BMPR1B: variants seen among roughly 807,000 people sequenced by gnomAD.
The protein encoded by BMPR1B is bone morphogenetic protein receptor type 1B.
In BMPR1B, 12 loss-of-function variants were observed where a neutral mutation model predicts 59.1. That is an observed-to-expected ratio of 0.20 (90% CI 0.13 to 0.33). The LOEUF (loss-of-function observed/expected upper bound fraction) is 0.33, where lower values mean the gene tolerates loss of function less well. Ranked by LOEUF, BMPR1B falls within the 10% of genes least tolerant of loss-of-function variation. BMPR1B has a pLI of 1.00. For missense variants in BMPR1B, 550 were observed against 610.9 expected, an observed-to-expected ratio of 0.90 and a Z score of 1.05; for synonymous variants, 237 against 207.3, an observed-to-expected ratio of 1.14 and a Z score of -1.23.
At chr4:95,048,927 ATTAAAT>A (rs545182360) in intron 3 of BMPR1B, among the ~76,000 whole-genome samples, 175 of 152,330 alleles carry the variant, frequency 1.1e-3, no homozygotes, top group African/African-American at 3.9e-3. Flanking sequence ...TATGTTAATA[ATTAAAT>A]TTAAAATGGA....
At chr4:95,138,553 G>A (rs942063388) in intron 10 of BMPR1B, among the ~76,000 whole-genome samples, 12 of 147,416 alleles carry the variant, frequency 8.1e-5, no homozygotes, top group African/African-American at 2.7e-4. Flanking sequence ...CCAATCAGAC[G>A]TAGATTTGGT....
intron 1 of BMPR1B, among the ~76,000 whole-genome samples, chr4:94,819,304 C>A (rs941395036): frequency 7.2e-5 from 11 of 152,158 alleles, no homozygotes; most frequent in Non-Finnish European, 1.2e-4. Context: ...TTAACTCTTA[C>A]CGCTACAACT....
rs1190153129 is a variant in BMPR1B at position 95,152,766 on chromosome 4, G to A, written c.1376G>A (p.Ser459Asn). The change falls in exon 12 of 13, where the codon AGT becomes AAT. Residue 459 changes from serine to asparagine, a missense_variant. Physicochemically the swap from Ser to Asn is conservative, Grantham distance 46. Coordinates refer to ENST00000515059, the MANE Select transcript of BMPR1B (RefSeq NM_001203.3). ...CCCTCATTCCCAAACCGGTGGAGCA[G>A]TGATGAGGTAAGGCTTGAGGTAACC... ...LRPSFPNRWS[S>N]DECLRQMGKL... 6.2e-7 allele frequency: 1 copy of A among 1,612,254 alleles called. No homozygotes were observed. The highest frequency in any genetic ancestry group is 1.7e-5 in the Admixed American group (1 of 59,870).
intron 1 of BMPR1B, among the ~76,000 whole-genome samples, chr4:94,831,530 T>G (rs904731667): frequency 2.0e-5 from 3 of 152,228 alleles, no homozygotes; most frequent in Admixed American, 6.5e-5. Flanking sequence ...AGAGAAACTT[T>G]CAGTCCTGTA....
intron 3 of BMPR1B, among the ~76,000 whole-genome samples, chr4:95,020,385 C>G (rs897105387): frequency 6.6e-6 from 1 of 152,122 alleles, no homozygotes; most frequent in Non-Finnish European, 1.5e-5. Context: ...CGAGACTATC[C>G]TGGCCAACAT....
chr4:94,830,875 A>G lies in BMPR1B; in HGVS notation c.-182-44956A>G, dbSNP rs563517495. 3.3e-5 allele frequency among the ~76,000 whole-genome samples: 5 copies of G among 152,332 alleles called. No individual in the cohort carries two copies. In the East Asian group the frequency reaches 9.6e-4, roughly 29 times the overall value. ...AACAAACCTGTGCTGCCAATCATAC[A>G]AAAGTATAGCACAATGACAATTATG... On this transcript the variant is annotated intron_variant, in intron 1 of 12. Coordinates refer to ENST00000515059, the MANE Select transcript of BMPR1B (RefSeq NM_001203.3).
At chr4:95,003,615 G>C (rs966511621) in intron 3 of BMPR1B, among the ~76,000 whole-genome samples, 13 of 152,030 alleles carry the variant, frequency 8.6e-5, no homozygotes, top group Admixed American at 7.9e-4. Flanking sequence ...AGGGGTGCCT[G>C]TATGTGTGTA....
intron 3 of BMPR1B, among the ~76,000 whole-genome samples, chr4:95,014,921 G>C (rs1405485514): frequency 1.3e-5 from 2 of 152,150 alleles, no homozygotes; most frequent in Non-Finnish European, 2.9e-5. Flanking sequence ...GTGGGAGTGT[G>C]GCTGTCCCTC....
intron 2 of BMPR1B, among the ~76,000 whole-genome samples, chr4:94,946,843 G>T (rs914888750): frequency 6.6e-6 from 1 of 152,056 alleles, no homozygotes; most frequent in Admixed American, 6.5e-5. Context: ...CTGAGCTCAG[G>T]AGTTTGAGAC....
At chr4:94,892,194 A>T (rs1049430917) in intron 2 of BMPR1B, among the ~76,000 whole-genome samples, 1 of 152,060 alleles carries the variant, frequency 6.6e-6, no homozygotes, top group Non-Finnish European at 1.5e-5. Context: ...CAATTCACCA[A>T]GTCTGGAATG....
chr4:95,143,172 C>T (rs1734376595), intron 10 of BMPR1B, among the ~76,000 whole-genome samples: 1 of 152,204 alleles, frequency 6.6e-6, no homozygotes, highest in Non-Finnish European at 1.5e-5. Context: ...CTGCAGTGCA[C>T]ACACGCCATA....
chr4:94,962,232 G>T (rs575920138), intron 2 of BMPR1B, among the ~76,000 whole-genome samples: 42 of 151,452 alleles, frequency 2.8e-4, no homozygotes, highest in African/African-American at 9.5e-4. Context: ...CCACTTCCCA[G>T]GTTCATGCGA....
chr4:94,829,304 C>A (rs550976178), intron 1 of BMPR1B, among the ~76,000 whole-genome samples: 43 of 145,772 alleles, frequency 2.9e-4, no homozygotes, highest in African/African-American at 1.0e-3. Context: ...TTAGGAAATT[C>A]TTTCAACAAT....
At chr4:94,793,871 T>A (rs935895618) in intron 1 of BMPR1B, among the ~76,000 whole-genome samples, 2 of 151,582 alleles carry the variant, frequency 1.3e-5, no homozygotes, top group Non-Finnish European at 3.0e-5. Flanking sequence ...GATTGTTTGT[T>A]TTTTTCTTGT....
At chr4:94,800,577 C>T (rs1402302359) in intron 1 of BMPR1B, among the ~76,000 whole-genome samples, 2 of 151,360 alleles carry the variant, frequency 1.3e-5, no homozygotes, top group South Asian at 2.1e-4. Flanking sequence ...GGTTGGCATG[C>T]CTGCCTTGTC....
At chr4:94,953,996 CTTTAT>C (rs1340423227) in intron 2 of BMPR1B, among the ~76,000 whole-genome samples, 30 of 152,040 alleles carry the variant, frequency 2.0e-4, no homozygotes, top group Admixed American at 1.9e-3. Context: ...TGTCTTCACA[CTTTAT>C]TTTATTAGTT....
intron 1 of BMPR1B, among the ~76,000 whole-genome samples, chr4:94,823,778 C>T (rs890885898): frequency 2.0e-5 from 3 of 151,464 alleles, no homozygotes; most frequent in East Asian, 1.9e-4. Context: ...GATGGAGTCT[C>T]GCTCTGTCGC....
chr4:94,913,915 A>C (rs1454656917), intron 2 of BMPR1B, among the ~76,000 whole-genome samples: 2 of 152,186 alleles, frequency 1.3e-5, no homozygotes, highest in African/African-American at 4.8e-5. Flanking sequence ...GAATTCATTT[A>C]AATGTAAATA....
chr4:94,996,019 T>C (rs1010533065), intron 2 of BMPR1B, 21 bp from the exon 3 acceptor site: 1 of 152,130 alleles, frequency 6.6e-6, no homozygotes, highest in Non-Finnish European at 1.5e-5. Flanking sequence ...TTTCTGAAAA[T>C]GTATTCTTTC....
Sources: gnomAD v4.1 joint callset for allele counts (sites outside exome capture counted in the v4.1 genomes callset) on GRCh38, gnomAD v4.1.1 for gene constraint, MANE v1.5 for transcripts, NCBI Gene and HGNC (gene_info 2026-07-23, HGNC 2026-07-21) for gene names.